The following PDE1A variants were observed in gnomAD, a reference collection of about 807,000 sequenced individuals.
PDE1A encodes the protein phosphodiesterase 1A.
PDE1A carries 35 observed loss-of-function variants against 61.7 expected under a neutral mutation model. That is an observed-to-expected ratio of 0.57 (90% CI 0.43 to 0.75). PDE1A has a LOEUF of 0.75. Among genes scored for constraint, PDE1A ranks in the 30% least tolerant of loss-of-function variants. PDE1A has a pLI of 0.00. For synonymous variants in PDE1A, 232 were observed against 213.2 expected, an observed-to-expected ratio of 1.09 and a Z score of -0.77; for missense variants, 597 against 630.6, an observed-to-expected ratio of 0.95 and a Z score of 0.57.
intron 2 of PDE1A, among the ~76,000 whole-genome samples, chr2:182,471,325 T>C (rs1033680406): frequency 4.7e-4 from 72 of 151,770 alleles, no homozygotes; most frequent in Admixed American, 3.7e-3. Context: ...TACCACAGAA[T>C]TGACCTCACC....
the PDE1A span, among the ~76,000 whole-genome samples, chr2:182,623,955 C>G: frequency 6.6e-6 from 1 of 151,926 alleles, no homozygotes; most frequent in Non-Finnish European, 1.5e-5. Flanking sequence ...GAAACCCCAT[C>G]TCTACTAAAA....
At chr2:182,688,520 T>A in the PDE1A span, among the ~76,000 whole-genome samples, 1 of 152,126 alleles carries the variant, frequency 6.6e-6, no homozygotes, top group Non-Finnish European at 1.5e-5. Context: ...CAAGAGCTCC[T>A]GAAGGAAGCA....
At chr2:182,357,038 T>C (rs1385302411) in intron 1 of PDE1A, among the ~76,000 whole-genome samples, 1 of 151,420 alleles carries the variant, frequency 6.6e-6, no homozygotes, top group Non-Finnish European at 1.5e-5. Flanking sequence ...TTGTGGGGTG[T>C]GGGGAGCGGG....
the PDE1A span, among the ~76,000 whole-genome samples, chr2:182,692,234 G>A: frequency 2.0e-5 from 3 of 151,838 alleles, no homozygotes; most frequent in African/African-American, 7.3e-5. Flanking sequence ...CGTTTATTGC[G>A]GCACTACTCA....
chr2:182,577,994 G>GGA, the PDE1A span, among the ~76,000 whole-genome samples: 93 of 116,880 alleles, frequency 8.0e-4, no homozygotes, highest in African/African-American at 2.9e-3. Context: ...GGAAGGAAGG[G>GGA]ACGGAGGGAG....
chr2:182,549,397 A>G, the PDE1A span, among the ~76,000 whole-genome samples: 1 of 152,178 alleles, frequency 6.6e-6, no homozygotes, highest in African/African-American at 2.4e-5. Flanking sequence ...GAAATTAAAA[A>G]GTCATGAGTT....
Position 182,505,574 on chromosome 2 carries a change from T to C in PDE1A, c.101+16702A>G, listed in dbSNP as rs566279645. On this transcript the variant is annotated intron_variant, in intron 2 of 14. Transcript: ENST00000410103. ...AGTCCTCACTCACATGTCCGGTAGT[T>C]AACTGTTTGGTTTAGAGGGGCCTCA... 1.3e-3 allele frequency among the ~76,000 whole-genome samples: 204 copies of C among 152,332 alleles called. 2 individuals carry two copies. The highest frequency in any genetic ancestry group is 4.5e-3 in the African/African-American group (189 of 41,586).
the PDE1A span, among the ~76,000 whole-genome samples, chr2:182,666,571 G>C: frequency 2.0e-5 from 3 of 150,586 alleles, no homozygotes; most frequent in Non-Finnish European, 4.4e-5. Flanking sequence ...TCATGCCATT[G>C]CACTCCAGCC....
At chr2:182,147,078 C>T in exon 14 of PDE1A, 1 of 1,593,914 alleles carries the variant, frequency 6.3e-7, no homozygotes, top group East Asian at 2.2e-5. Context: ...GTGTTTCGGG[C>T]CTATGAATGT....
chr2:182,555,965 C>CA, the PDE1A span, among the ~76,000 whole-genome samples: 649 of 48,430 alleles, frequency 0.013, 99 homozygotes, highest in African/African-American at 0.026. Flanking sequence ...AACTCCATCT[C>CA]AAAAAAAAAA....
the PDE1A span, among the ~76,000 whole-genome samples, chr2:182,681,616 C>A: frequency 6.7e-6 from 1 of 149,232 alleles, no homozygotes; most frequent in Non-Finnish European, 1.5e-5. Context: ...TTGTCAATAT[C>A]TACTTAAGGT....
intron 2 of PDE1A, among the ~76,000 whole-genome samples, chr2:182,480,680 C>T (rs995148134): frequency 6.6e-6 from 1 of 151,880 alleles, no homozygotes; most frequent in Non-Finnish European, 1.5e-5. Context: ...AGGTTATATG[C>T]AAATACTATG....
At chr2:182,712,081 G>C in the PDE1A span, among the ~76,000 whole-genome samples, 1 of 152,234 alleles carries the variant, frequency 6.6e-6, no homozygotes, top group Non-Finnish European at 1.5e-5. Context: ...GGTCAGTTCT[G>C]TTAGATTCTT....
intron 1 of PDE1A, among the ~76,000 whole-genome samples, chr2:182,350,158 T>A (rs192717089): frequency 6.6e-6 from 1 of 152,314 alleles, no homozygotes; most frequent in African/African-American, 2.4e-5. Context: ...TGCATATACA[T>A]GAAATTACAC....
At chr2:182,171,341 G>A (rs563705594) in intron 13 of PDE1A, among the ~76,000 whole-genome samples, 95 of 152,080 alleles carry the variant, frequency 6.2e-4, no homozygotes, top group African/African-American at 2.2e-3. Context: ...ATGCAGTATT[G>A]CATATTATGT....
chr2:182,242,002 A>G, intron 2 of PDE1A: 2 of 1,449,830 alleles, frequency 1.4e-6, no homozygotes, highest in Admixed American at 5.0e-5. Flanking sequence ...TGCCATTTCT[A>G]CTATCTCTTA....
At chr2:182,578,879 T>C in the PDE1A span, among the ~76,000 whole-genome samples, 1 of 152,174 alleles carries the variant, frequency 6.6e-6, no homozygotes, top group African/African-American at 2.4e-5. Context: ...ATGGTGACCT[T>C]GTTGCAATAA....
intron 1 of PDE1A, among the ~76,000 whole-genome samples, chr2:182,345,215 T>C (rs549184169): frequency 6.6e-6 from 1 of 152,314 alleles, no homozygotes; most frequent in East Asian, 1.9e-4. Context: ...TAACACTGAA[T>C]ATGCTGATAA....
chr2:182,438,209 G>C (rs1025569002), intron 2 of PDE1A, among the ~76,000 whole-genome samples: 22 of 151,884 alleles, frequency 1.4e-4, no homozygotes, highest in African/African-American at 5.3e-4. Flanking sequence ...CTCATAATAT[G>C]AGCATTTCAT....
Sources: allele counts gnomAD v4.1 joint callset (sites outside exome capture counted in the v4.1 genomes callset), GRCh38; gene constraint gnomAD v4.1.1; transcripts MANE v1.5; gene names NCBI Gene and HGNC (gene_info 2026-07-23, HGNC 2026-07-21).